The following LARGE1 variants were observed in gnomAD, a reference collection of about 807,000 sequenced individuals.
The protein encoded by LARGE1 is xylosyl- and glucuronyltransferase LARGE1.
A neutral mutation model predicts 87.6 loss-of-function variants in LARGE1; 43 were observed. The observed-to-expected ratio is 0.49, with a 90% CI of 0.38 to 0.63. LARGE1 has a LOEUF of 0.63. Ranked by LOEUF, LARGE1 falls within the 30% of genes least tolerant of loss-of-function variation. The probability of loss-of-function intolerance (pLI) is 0.00; values close to 1 mark genes in which losing one functional copy is unlikely to be tolerated. For synonymous variants in LARGE1, 434 were observed against 394.6 expected (o/e 1.10, Z -1.18); for missense variants, 802 against 1,000.2 (o/e 0.80, Z 2.67).
chr22:33,520,481 C>A (rs560681278), intron 6 of LARGE1, among the ~76,000 whole-genome samples: 14 of 152,238 alleles, frequency 9.2e-5, no homozygotes, highest in Non-Finnish European at 1.8e-4. Flanking sequence ...CTGACAAGCA[C>A]GGGAGGGGAC....
chr22:33,707,830 G>A (rs1002554961), intron 2 of LARGE1, among the ~76,000 whole-genome samples: 2 of 152,164 alleles, frequency 1.3e-5, no homozygotes, highest in East Asian at 3.8e-4. Flanking sequence ...AGGGCCCTGG[G>A]GGCGAGAACC....
chr22:33,448,411 A>G (rs2067775173), intron 6 of LARGE1, among the ~76,000 whole-genome samples: 1 of 152,360 alleles, frequency 6.6e-6, no homozygotes, highest in African/African-American at 2.4e-5. Context: ...TTATTTGTTA[A>G]TTAAACAATA....
chr22:33,563,621 G>A (rs1411713015), intron 6 of LARGE1, among the ~76,000 whole-genome samples: 2 of 152,136 alleles, frequency 1.3e-5, no homozygotes, highest in African/African-American at 4.8e-5. Flanking sequence ...TCTCAACTCT[G>A]GGAAAAGCCT....
intron 6 of LARGE1, among the ~76,000 whole-genome samples, chr22:33,505,431 C>A (rs2070714977): frequency 1.3e-5 from 2 of 152,166 alleles, no homozygotes; most frequent in Non-Finnish European, 2.9e-5. Flanking sequence ...CATGTGTCAT[C>A]CCTACCCCTA....
intron 6 of LARGE1, among the ~76,000 whole-genome samples, chr22:33,446,116 G>A (rs1264457321): frequency 6.6e-6 from 1 of 152,184 alleles, no homozygotes; most frequent in African/African-American, 2.4e-5. Flanking sequence ...TACTGACTTA[G>A]TCAACATGCC....
At chr22:33,194,366 C>T (rs957197669) in intron 11 of LARGE1, among the ~76,000 whole-genome samples, 5 of 152,164 alleles carry the variant, frequency 3.3e-5, no homozygotes, top group Admixed American at 2.6e-4. Context: ...GGCATGAACT[C>T]TTAGTCATTC....
At chr22:33,172,535 G>A (rs1922630788) in intron 11 of LARGE1, among the ~76,000 whole-genome samples, 1 of 152,054 alleles carries the variant, frequency 6.6e-6, no homozygotes, top group Non-Finnish European at 1.5e-5. Flanking sequence ...TAAGCTTCCT[G>A]AGGCTTCCCC....
rs17733539 is a variant in LARGE1, at chr22:33,684,585, C to T, written c.107-33917G>A. Among the ~76,000 whole-genome samples the T allele has an allele frequency of 5.3e-5, 8 of 152,196 alleles. No individual in the cohort carries two copies. The South Asian group carries it at 1.0e-3, about 20-fold the overall frequency. ...GTTATTGGTTGCCTGTAACTCCATG[C>T]GGAACTGAGGAAATTGAGAACCTAG... On this transcript the variant is annotated intron_variant, in intron 2 of 14. Coordinates refer to ENST00000397394, the MANE Select transcript of LARGE1 (RefSeq NM_133642.5).
chr22:33,067,908 A>T, the LARGE1 span, among the ~76,000 whole-genome samples: 1 of 151,978 alleles, frequency 6.6e-6, no homozygotes, highest in Non-Finnish European at 1.5e-5. Context: ...TGAACCTGGG[A>T]GGCAGAGGTT....
intron 14 of LARGE1, among the ~76,000 whole-genome samples, chr22:33,276,183 A>G (rs542253333): frequency 1.3e-5 from 2 of 151,602 alleles, no homozygotes; most frequent in African/African-American, 4.8e-5. Flanking sequence ...CACCAGGAGG[A>G]GAGATCTTGG....
rs182989115 is a variant in LARGE1, at chr22:33,533,907, T to C, written c.787+30941A>G. 4.7e-3 allele frequency among the ~76,000 whole-genome samples: 716 copies of C among 151,952 alleles called. 4 individuals carry two copies. Among genetic ancestry groups the C allele is most frequent in the South Asian group, 9.4e-3 (45 of 4,812 alleles). On this transcript the variant is annotated intron_variant, in intron 6 of 14. Coordinates refer to ENST00000397394, the MANE Select transcript of LARGE1 (RefSeq NM_133642.5). ...ATTTCAGGTTTTTTTTTTTTGGACG[T>C]TTTCCGCTCTTCTCTGCCTTGACTG...
chr22:33,137,502 T>G, the LARGE1 span, among the ~76,000 whole-genome samples: 3 of 152,186 alleles, frequency 2.0e-5, no homozygotes, highest in Admixed American at 2.0e-4. Context: ...AAACCCATTT[T>G]CTGAGGGGAA....
downstream of LARGE1, among the ~76,000 whole-genome samples, chr22:33,159,306 A>G (rs1460128458): frequency 2.0e-5 from 3 of 152,212 alleles, no homozygotes; most frequent in African/African-American, 7.2e-5. Flanking sequence ...ACTAATTTCA[A>G]TTTGAAGTTC....
chr22:33,453,729 G>T (rs1305834194), intron 6 of LARGE1, among the ~76,000 whole-genome samples: 1 of 152,118 alleles, frequency 6.6e-6, no homozygotes, highest in Non-Finnish European at 1.5e-5. Context: ...AACTCACCTA[G>T]GAACGGACTT....
intron 12 of LARGE1, among the ~76,000 whole-genome samples, chr22:33,285,857 GAGGGGGA>G (rs1931435006): frequency 6.6e-6 from 1 of 152,170 alleles, no homozygotes; most frequent in Non-Finnish European, 1.5e-5. Flanking sequence ...ATTGAATAAT[GAGGGGGA>G]ACCTGGATCA....
chr22:33,467,365 T>C (rs775471448), intron 6 of LARGE1, among the ~76,000 whole-genome samples: 10 of 152,220 alleles, frequency 6.6e-5, no homozygotes, highest in Non-Finnish European at 1.3e-4. Context: ...GTTTTCCTAA[T>C]TAACTAGTCC....
chr22:33,556,710 A>C (rs1239148244), intron 6 of LARGE1, among the ~76,000 whole-genome samples: 17 of 145,374 alleles, frequency 1.2e-4, no homozygotes, highest in Non-Finnish European at 2.4e-4. Context: ...CTGAAGAACA[A>C]GAAAAAAAAA....
intron 11 of LARGE1, among the ~76,000 whole-genome samples, chr22:33,187,819 G>T (rs1353397540): frequency 6.7e-6 from 1 of 150,312 alleles, no homozygotes; most frequent in African/African-American, 2.4e-5. Flanking sequence ...AGCCACTCGG[G>T]AGGCTGAGGC....
intron 11 of LARGE1, among the ~76,000 whole-genome samples, chr22:33,305,817 T>G (rs1934798392): frequency 6.6e-6 from 1 of 151,594 alleles, no homozygotes; most frequent in Non-Finnish European, 1.5e-5. Flanking sequence ...CTAACCAAAT[T>G]GACCAGAAAC....
Sources: allele counts gnomAD v4.1 joint callset (sites outside exome capture counted in the v4.1 genomes callset), GRCh38; gene constraint gnomAD v4.1.1; transcripts MANE v1.5; gene names NCBI Gene and HGNC (gene_info 2026-07-23, HGNC 2026-07-21).